DNM3: variants seen among roughly 807,000 people sequenced by gnomAD.
DNM3 encodes the protein dynamin 3, also known as dynamin-3.
Under a neutral mutation model 101.6 loss-of-function variants are expected in DNM3, and 47 were observed. That is an observed-to-expected ratio of 0.46 (90% CI 0.37 to 0.59). DNM3 has a LOEUF of 0.59. Ranked by LOEUF, DNM3 falls within the 20% of genes least tolerant of loss-of-function variation. The pLI, the probability that DNM3 is intolerant of heterozygous loss-of-function variation, is 0.00. For synonymous variants in DNM3, 385 were observed against 387.9 expected (o/e 0.99, Z 0.09); for missense variants, 849 against 1,085.7 (o/e 0.78, Z 3.06).
intron 14 of DNM3, chr1:172,137,511 A>T (rs1027891584): frequency 2.0e-5 from 3 of 152,198 alleles, no homozygotes; most frequent in African/African-American, 7.2e-5. Flanking sequence ...GGTTTGGTTA[A>T]AATATCATTG....
chr1:172,024,241 T>C (rs1436408507), intron 4 of DNM3, among the ~76,000 whole-genome samples: 1 of 152,170 alleles, frequency 6.6e-6, no homozygotes, highest in Admixed American at 6.5e-5. Flanking sequence ...AAAGTAATAA[T>C]ATCCATTGAT....
At chr1:172,199,503 G>A (rs114084291) in intron 14 of DNM3, among the ~76,000 whole-genome samples, 1,532 of 152,124 alleles carry the variant, frequency 0.01, 31 homozygotes, top group African/African-American at 0.035. Flanking sequence ...TACTGTCATG[G>A]GAGTGTTGAA....
chr1:172,172,383 T>A (rs2058994833), intron 14 of DNM3, among the ~76,000 whole-genome samples: 1 of 151,618 alleles, frequency 6.6e-6, no homozygotes, highest in South Asian at 2.1e-4. Context: ...AGACAGCTAC[T>A]AAATAACTAA....
At chr1:172,259,943 C>T (rs1438967219) in intron 15 of DNM3, among the ~76,000 whole-genome samples, 1 of 151,960 alleles carries the variant, frequency 6.6e-6, no homozygotes, top group Non-Finnish European at 1.5e-5. Context: ...CATGTGTTTT[C>T]ATAATGGTAG....
At chr1:172,338,587 GA>G (rs66865910) in intron 17 of DNM3, among the ~76,000 whole-genome samples, 5,480 of 152,154 alleles carry the variant, frequency 0.036, 150 homozygotes, top group African/African-American at 0.062. Context: ...TTTCCTCATT[GA>G]AAACGACTGT....
intron 10 of DNM3, among the ~76,000 whole-genome samples, chr1:172,061,012 A>G (rs2051138595): frequency 8.5e-6 from 1 of 117,544 alleles, no homozygotes; most frequent in Non-Finnish European, 1.7e-5. Context: ...AAAAAAACAA[A>G]CAACCCCATC....
chr1:172,329,065 T>G (rs916442685), intron 17 of DNM3, among the ~76,000 whole-genome samples: 3 of 34,272 alleles, frequency 8.8e-5, no homozygotes, highest in Non-Finnish European at 1.7e-4. Context: ...GAATTTGTGT[T>G]TTTTTTTGTT....
chr1:171,994,476 A>G (rs993425505), intron 4 of DNM3, among the ~76,000 whole-genome samples: 1 of 152,082 alleles, frequency 6.6e-6, no homozygotes, highest in East Asian at 1.9e-4. Context: ...TTCAATGCTC[A>G]GGCAGACAGT....
intron 9 of DNM3, among the ~76,000 whole-genome samples, chr1:172,047,172 A>G (rs1472234297): frequency 1.3e-5 from 2 of 152,102 alleles, no homozygotes; most frequent in East Asian, 1.9e-4. Flanking sequence ...CTCTTTGCCC[A>G]TGAAGGACTT....
chr1:171,895,156 A>G (rs2037667847), intron 1 of DNM3, among the ~76,000 whole-genome samples: 1 of 152,178 alleles, frequency 6.6e-6, no homozygotes, highest in Non-Finnish European at 1.5e-5. Flanking sequence ...TATACCCAGT[A>G]ATGGGATCAC....
At chr1:172,088,490 A>G (rs190529302) in intron 12 of DNM3, among the ~76,000 whole-genome samples, 1 of 152,224 alleles carries the variant, frequency 6.6e-6, no homozygotes, top group African/African-American at 2.4e-5. Context: ...TGCTGCCTTC[A>G]GAGTAACAGC....
Position 171,951,427 on chromosome 1 carries a change from G to A in DNM3, c.235+29606G>A, listed in dbSNP as rs115486476. Among the ~76,000 whole-genome samples the A allele has an allele frequency of 2.4e-3, 369 of 152,208 alleles. 6 individuals are homozygous for A. Among genetic ancestry groups the A allele is most frequent in the African/African-American group, 7.8e-3 (325 of 41,548 alleles). On this transcript the variant is annotated intron_variant, in intron 2 of 20. Coordinates refer to ENST00000627582, the MANE Select transcript of DNM3 (RefSeq NM_015569.5). ...CGGTGTTTTGCATTATGAAAGTTTC[G>A]TTTGTCATCTACTTGATTTTCTCTT...
chr1:172,010,082 T>C (rs1031823538), intron 4 of DNM3, among the ~76,000 whole-genome samples: 1 of 151,892 alleles, frequency 6.6e-6, no homozygotes, highest in African/African-American at 2.4e-5. Context: ...TAATTATCAA[T>C]ATCAGTTTAT....
intron 20 of DNM3, among the ~76,000 whole-genome samples, chr1:172,404,623 G>A (rs2070748372): frequency 1.3e-5 from 2 of 151,884 alleles, no homozygotes; most frequent in Middle Eastern, 6.8e-3. Context: ...CCCTTCAATC[G>A]CCATCATTTA....
chr1:172,006,514 A>G (rs1311711671), intron 4 of DNM3, among the ~76,000 whole-genome samples: 4 of 152,082 alleles, frequency 2.6e-5, no homozygotes, highest in Non-Finnish European at 5.9e-5. Flanking sequence ...CTTCTCTACT[A>G]TCTGCTTCTT....
downstream of DNM3, among the ~76,000 whole-genome samples, chr1:172,413,341 C>T (rs1305972482): frequency 2.6e-5 from 4 of 152,180 alleles, no homozygotes; most frequent in Non-Finnish European, 5.9e-5. Flanking sequence ...ATTCTCCTGC[C>T]TCAGCCTCCT....
At chr1:171,866,830 A>T (rs1046572279) in intron 1 of DNM3, among the ~76,000 whole-genome samples, 4 of 152,286 alleles carry the variant, frequency 2.6e-5, no homozygotes, top group East Asian at 3.9e-4. Context: ...ATGCCACATT[A>T]TAATTCTCAC....
intron 17 of DNM3, among the ~76,000 whole-genome samples, chr1:172,325,270 A>G (rs757219777): frequency 2.6e-5 from 4 of 152,160 alleles, no homozygotes; most frequent in African/African-American, 4.8e-5. Flanking sequence ...TCGGTCACCA[A>G]CTGTATCTGA....
intron 15 of DNM3, among the ~76,000 whole-genome samples, chr1:172,282,461 A>G (rs1329920259): frequency 1.3e-5 from 2 of 152,176 alleles, no homozygotes; most frequent in African/African-American, 2.4e-5. Flanking sequence ...ACTAGCACAC[A>G]TAATTAACAA....
Sources: gnomAD v4.1 joint callset for allele counts (sites outside exome capture counted in the v4.1 genomes callset) on GRCh38, gnomAD v4.1.1 for gene constraint, MANE v1.5 for transcripts, NCBI Gene and HGNC (gene_info 2026-07-23, HGNC 2026-07-21) for gene names.